The following CACNB2 variants were observed in gnomAD, a reference collection of about 807,000 sequenced individuals.
CACNB2 encodes voltage-dependent L-type calcium channel subunit beta-2.
CACNB2 carries 42 observed loss-of-function variants against 73.3 expected under a neutral mutation model. The observed-to-expected ratio is 0.57, with a 90% confidence interval of 0.45 to 0.74. The LOEUF (loss-of-function observed/expected upper bound fraction) is 0.74. Ranked by LOEUF, CACNB2 falls within the 30% of genes least tolerant of loss-of-function variation. The probability of loss-of-function intolerance (pLI) is 0.00; values close to 1 mark genes in which losing one functional copy is unlikely to be tolerated. For missense variants in CACNB2, 940 were observed against 853.0 expected, an observed-to-expected ratio of 1.10 and a Z score of -1.27; for synonymous variants, 348 against 310.3, an observed-to-expected ratio of 1.12 and a Z score of -1.28.
chr10:18,241,425 G>A (rs998397507), intron 2 of CACNB2, among the ~76,000 whole-genome samples: 2 of 152,140 alleles, frequency 1.3e-5, no homozygotes, highest in African/African-American at 4.8e-5. Context: ...CACACACTGG[G>A]GCCTGTCACG....
chr10:18,177,599 G>GA (rs1472789653), intron 2 of CACNB2, among the ~76,000 whole-genome samples: 6 of 151,286 alleles, frequency 4.0e-5, no homozygotes, highest in African/African-American at 9.7e-5. Flanking sequence ...AGAAGAAGAA[G>GA]AAGAAAGAAA....
intron 2 of CACNB2, among the ~76,000 whole-genome samples, chr10:18,337,105 T>C (rs2041036766): frequency 6.6e-6 from 1 of 152,088 alleles, no homozygotes; most frequent in African/African-American, 2.4e-5. Context: ...TTTTTGCTTT[T>C]CTTTTCTCTT....
intron 2 of CACNB2, chr10:18,260,829 A>G: frequency 6.8e-6 from 7 of 1,024,084 alleles, no homozygotes; most frequent in Non-Finnish European, 8.2e-6. Flanking sequence ...CTGCTTTTCA[A>G]AAGCAGAGTA....
chr10:18,318,688 T>C (rs1156908720), intron 2 of CACNB2, among the ~76,000 whole-genome samples: 2 of 151,960 alleles, frequency 1.3e-5, no homozygotes, highest in Admixed American at 1.3e-4. Context: ...TAGGAGAAAA[T>C]GTTTGCAATC....
chr10:18,179,155 CT>C (rs2033750887), intron 2 of CACNB2, among the ~76,000 whole-genome samples: 1 of 152,148 alleles, frequency 6.6e-6, no homozygotes, highest in East Asian at 1.9e-4. Flanking sequence ...ATGTCAATAA[CT>C]TTAATTTTTT....
At chr10:18,263,213 C>T (rs938516216) in intron 2 of CACNB2, among the ~76,000 whole-genome samples, 3 of 152,146 alleles carry the variant, frequency 2.0e-5, no homozygotes, top group East Asian at 3.9e-4. Context: ...AAATCGAAAC[C>T]TATTTTTTTC....
At chr10:18,347,942 A>C (rs899249773) in intron 2 of CACNB2, among the ~76,000 whole-genome samples, 28 of 152,110 alleles carry the variant, frequency 1.8e-4, no homozygotes, top group Non-Finnish European at 2.9e-4. Context: ...CTCAACTTCC[A>C]AGTCTTTTAC....
chr10:18,263,068 C>T (rs576899188), intron 2 of CACNB2, among the ~76,000 whole-genome samples: 6 of 152,212 alleles, frequency 3.9e-5, no homozygotes, highest in African/African-American at 1.4e-4. Context: ...AATAAATTTT[C>T]GTTTACTTTA....
chr10:18,297,487 G>A (rs1405502503), intron 2 of CACNB2, among the ~76,000 whole-genome samples: 1 of 152,222 alleles, frequency 6.6e-6, no homozygotes, highest in African/African-American at 2.4e-5. Flanking sequence ...GAGCCCAGAA[G>A]TTGGAGGCTG....
intron 3 of CACNB2, among the ~76,000 whole-genome samples, chr10:18,447,264 T>C (rs2046781262): frequency 1.3e-5 from 2 of 152,124 alleles, no homozygotes; most frequent in Non-Finnish European, 2.9e-5. Context: ...TGTGTTAAAT[T>C]TGAGGCACCA....
Position 18,538,298 on chromosome 10 carries a change from C to T in CACNB2, c.1421C>T (p.Pro474Leu), listed in dbSNP as rs759185685. 2 of 1,614,076 alleles carry T rather than the reference C, an allele frequency of 1.2e-6. No individual in the cohort carries two copies. The highest frequency in any genetic ancestry group is 1.6e-4 in the Middle Eastern group (1 of 6,084). Residue 474 changes from proline (P) to leucine (L), a missense_variant, in exon 13 of 14, where the codon CCT (proline) becomes CTT (leucine). Coordinates refer to ENST00000324631, the MANE Select transcript of CACNB2 (RefSeq NM_201596.3). ...THPPSSSLPN[P>L]LLSRTLATSS... is the part of the protein sequence containing the mutation. ...CCTCCCAGCAGTAGCCTCCCCAACC[C>T]TCTCCTTAGCCGTACATTAGCCACT...
At chr10:18,531,923 TC>T in intron 10 of CACNB2, 1 of 152,324 alleles carries the variant, frequency 6.6e-6, no homozygotes, top group East Asian at 1.9e-4. Flanking sequence ...TGCCCCGTCT[TC>T]AAGATGCTGA....
chr10:18,309,289 C>T (rs1346981698), intron 2 of CACNB2, among the ~76,000 whole-genome samples: 1 of 152,052 alleles, frequency 6.6e-6, no homozygotes, highest in East Asian at 1.9e-4. Flanking sequence ...TCAAAAATGT[C>T]TCCAACAGTT....
intron 3 of CACNB2, among the ~76,000 whole-genome samples, chr10:18,495,819 A>G (rs1207412284): frequency 6.6e-6 from 1 of 152,130 alleles, no homozygotes; most frequent in Admixed American, 6.6e-5. Context: ...TTATATACTT[A>G]AGAACATTTC....
At chr10:18,189,628 A>C (rs2034306670) in intron 2 of CACNB2, among the ~76,000 whole-genome samples, 1 of 152,166 alleles carries the variant, frequency 6.6e-6, no homozygotes, top group African/African-American at 2.4e-5. Context: ...TATTATAAAA[A>C]TTGTGTTGTT....
intron 2 of CACNB2, among the ~76,000 whole-genome samples, chr10:18,189,734 AAC>A (rs1461188027): frequency 1.3e-5 from 2 of 152,304 alleles, no homozygotes; most frequent in East Asian, 3.9e-4. Context: ...TTTCAGCATT[AAC>A]AGTGTGAATA....
chr10:18,507,771 G>A (rs569804845), intron 6 of CACNB2, among the ~76,000 whole-genome samples: 21 of 152,306 alleles, frequency 1.4e-4, no homozygotes, highest in African/African-American at 3.8e-4. Flanking sequence ...AGCTGGAAAT[G>A]GGAAGAGATA....
intron 3 of CACNB2, among the ~76,000 whole-genome samples, chr10:18,444,068 T>C (rs1174619935): frequency 6.6e-6 from 1 of 152,180 alleles, no homozygotes; most frequent in Non-Finnish European, 1.5e-5. Context: ...TCACTCCCAC[T>C]GCTCTTAAGG....
chr10:18,376,779 T>A (rs1215247753), intron 2 of CACNB2, among the ~76,000 whole-genome samples: 7 of 152,142 alleles, frequency 4.6e-5, no homozygotes, highest in Admixed American at 4.6e-4. Flanking sequence ...AGGGTTTATC[T>A]CAGGGCTAGC....
Sources: allele counts gnomAD v4.1 joint callset (sites outside exome capture counted in the v4.1 genomes callset), GRCh38; gene constraint gnomAD v4.1.1; transcripts MANE v1.5; gene names NCBI Gene and HGNC (gene_info 2026-07-23, HGNC 2026-07-21).